RARB: variants seen among roughly 807,000 people sequenced by gnomAD.
RARB encodes the protein HBV-activated protein.
RARB carries 17 observed loss-of-function variants against 51.9 expected under a neutral mutation model. That is an observed-to-expected ratio of 0.33 (90% confidence interval 0.22 to 0.49). The LOEUF (loss-of-function observed/expected upper bound fraction) is 0.49. Ranked by LOEUF, RARB falls within the 20% of genes least tolerant of loss-of-function variation. RARB has a pLI of 0.99. For synonymous variants in RARB, 215 were observed against 195.4 expected (o/e 1.10, Z -0.84); for missense variants, 369 against 550.8 (o/e 0.67, Z 3.30).
chr3:25,006,498 G>A (rs1697275399), intron 2 of RARB, among the ~76,000 whole-genome samples: 1 of 151,984 alleles, frequency 6.6e-6, no homozygotes, highest in Non-Finnish European at 1.5e-5. Flanking sequence ...GTACTTTTTT[G>A]GCATCCTATC....
chr3:25,544,486 A>C (rs190068949), intron 3 of RARB, among the ~76,000 whole-genome samples: 1 of 152,320 alleles, frequency 6.6e-6, no homozygotes, highest in African/African-American at 2.4e-5. Flanking sequence ...CCAAAAACCA[A>C]TTACTACCTG....
intron 2 of RARB, among the ~76,000 whole-genome samples, chr3:24,974,228 T>C (rs1696461929): frequency 6.6e-6 from 1 of 152,112 alleles, no homozygotes; most frequent in South Asian, 2.1e-4. Flanking sequence ...TGTTCTTGGT[T>C]CTGTTATTTA....
rs149790291 is a variant in RARB, at chr3:25,409,024, A to T, written c.179-52169A>T. 4.5e-3 allele frequency among the ~76,000 whole-genome samples: 684 copies of T among 152,118 alleles called. 5 individuals are homozygous for T. Among genetic ancestry groups the T allele is most frequent in the Non-Finnish European group, 5.9e-3 (402 of 67,994 alleles). On this transcript the variant is annotated intron_variant, in intron 5 of 11. Transcript: ENST00000383772. ...ACTCCAGCCTGTGTGACACAGCGAG[A>T]CTCTGTCTCAAAATAATAATAACAA...
chr3:25,014,070 A>G (rs1697456232), intron 2 of RARB, among the ~76,000 whole-genome samples: 1 of 152,106 alleles, frequency 6.6e-6, no homozygotes, highest in African/African-American at 2.4e-5. Context: ...GAAACTCAAA[A>G]CTTACCTCCT....
chr3:25,002,096 G>T (rs915269451), intron 2 of RARB, among the ~76,000 whole-genome samples: 10 of 152,124 alleles, frequency 6.6e-5, no homozygotes, highest in Non-Finnish European at 8.8e-5. Context: ...TGGGACAGTG[G>T]ATTTAGGGAG....
chr3:24,950,607 G>A (rs1183448922), intron 2 of RARB, among the ~76,000 whole-genome samples: 1 of 151,938 alleles, frequency 6.6e-6, no homozygotes, highest in East Asian at 1.9e-4. Flanking sequence ...CGGAGCCAGA[G>A]ATGGGAACCA....
At chr3:25,088,282 T>C (rs781216405) in intron 3 of RARB, among the ~76,000 whole-genome samples, 42 of 152,276 alleles carry the variant, frequency 2.8e-4, no homozygotes, top group Middle Eastern at 3.4e-3. Flanking sequence ...TAATTCTTCA[T>C]AAATCAACTA....
chr3:24,860,139 C>T (rs1309821049), intron 2 of RARB, among the ~76,000 whole-genome samples: 4 of 151,988 alleles, frequency 2.6e-5, no homozygotes, highest in Non-Finnish European at 5.9e-5. Flanking sequence ...TGAACGGGGC[C>T]CATGTCAGAG....
At chr3:24,981,122 C>A (rs747519347) in intron 2 of RARB, among the ~76,000 whole-genome samples, 1 of 152,192 alleles carries the variant, frequency 6.6e-6, no homozygotes, top group Non-Finnish European at 1.5e-5. Context: ...ATATTGCTGC[C>A]TGATCCTTCT....
rs142985594 is a variant in RARB at position 25,560,426 on chromosome 3, A to G, written c.449-9332A>G. 2.7e-3 allele frequency among the ~76,000 whole-genome samples: 410 copies of G among 152,324 alleles called. 1 individual carries two copies. Among genetic ancestry groups the G allele is most frequent in the African/African-American group, 8.9e-3 (369 of 41,584 alleles). On this transcript the variant is annotated intron_variant, in intron 3 of 7. Coordinates refer to ENST00000330688, the MANE Select transcript of RARB (RefSeq NM_000965.5). Reference sequence around the variant, plus strand: ...TGGCAAAATTATAAGCCATTTGTCTATCTCTCTCAGATGTCTTATTGACAT... The same window carrying G: ...TGGCAAAATTATAAGCCATTTGTCTGTCTCTCTCAGATGTCTTATTGACAT...
intron 2 of RARB, among the ~76,000 whole-genome samples, chr3:25,038,398 G>A (rs1291877331): frequency 1.3e-5 from 2 of 152,070 alleles, no homozygotes; most frequent in Admixed American, 6.6e-5. Flanking sequence ...GGGGGAATGA[G>A]TATGTACCCT....
chr3:25,331,884 A>G (rs898379062), intron 5 of RARB, among the ~76,000 whole-genome samples: 2 of 152,232 alleles, frequency 1.3e-5, no homozygotes, highest in African/African-American at 2.4e-5. Context: ...CCATCAGAGA[A>G]TACTATTAAC....
chr3:25,262,195 C>T (rs1575267337), intron 5 of RARB, among the ~76,000 whole-genome samples: 1 of 152,190 alleles, frequency 6.6e-6, no homozygotes, highest in East Asian at 1.9e-4. Context: ...GGAACTTCAC[C>T]AAAAGGTCTT....
intron 5 of RARB, among the ~76,000 whole-genome samples, chr3:25,378,184 G>A (rs12628995): frequency 2.0e-5 from 3 of 151,978 alleles, no homozygotes; most frequent in East Asian, 1.9e-4. Context: ...CACAAGACTC[G>A]GGCATGCATG....
intron 2 of RARB, among the ~76,000 whole-genome samples, chr3:24,872,432 C>T (rs895195084): frequency 2.6e-5 from 4 of 152,182 alleles, no homozygotes; most frequent in African/African-American, 9.7e-5. Flanking sequence ...ATACCTGAGA[C>T]TGGGTAATTT....
chr3:24,858,630 T>C (rs1005296370), intron 1 of RARB: 2 of 152,200 alleles, frequency 1.3e-5, no homozygotes, highest in African/African-American at 4.8e-5. Flanking sequence ...TTTTTCTGCA[T>C]TGTGATGTTT....
intron 5 of RARB, among the ~76,000 whole-genome samples, chr3:25,583,383 G>A (rs1701260445): frequency 6.6e-6 from 1 of 152,212 alleles, no homozygotes; most frequent in South Asian, 2.1e-4. Flanking sequence ...GTTATTCTCA[G>A]ACCCTAGAAA....
At chr3:24,833,715 C>T (rs1702309496) in intron 1 of RARB, among the ~76,000 whole-genome samples, 1 of 152,184 alleles carries the variant, frequency 6.6e-6, no homozygotes, top group Non-Finnish European at 1.5e-5. Context: ...AGATTTATTC[C>T]TTTGCCTCAA....
At chr3:24,860,370 C>G (rs747261479) in intron 2 of RARB, among the ~76,000 whole-genome samples, 4 of 152,188 alleles carry the variant, frequency 2.6e-5, no homozygotes, top group Non-Finnish European at 4.4e-5. Context: ...AGCCAGTTAA[C>G]AGGACATGAG....
Sources: gnomAD v4.1 joint callset for allele counts (sites outside exome capture counted in the v4.1 genomes callset) on GRCh38, gnomAD v4.1.1 for gene constraint, MANE v1.5 for transcripts, NCBI Gene and HGNC (gene_info 2026-07-23, HGNC 2026-07-21) for gene names.